LRP1B: variants seen among roughly 807,000 people sequenced by gnomAD.
The protein encoded by LRP1B is LDL receptor related protein 1B.
Under a neutral mutation model 556.6 loss-of-function variants are expected in LRP1B, and 217 were observed. That is an observed-to-expected ratio of 0.39 (90% confidence interval 0.35 to 0.44). LRP1B has a LOEUF of 0.44. LRP1B is among the 20% of genes least tolerant of loss of function. The probability of loss-of-function intolerance (pLI) is 1.00; values close to 1 mark genes in which losing one functional copy is unlikely to be tolerated. For synonymous variants in LRP1B, 2,047 were observed against 1,865.8 expected, an observed-to-expected ratio of 1.10 and a Z score of -2.50; for missense variants, 5,053 against 5,620.8, an observed-to-expected ratio of 0.90 and a Z score of 3.23.
intron 11 of LRP1B, among the ~76,000 whole-genome samples, chr2:141,044,465 C>T (rs1470683172): frequency 9.3e-5 from 14 of 150,354 alleles, no homozygotes; most frequent in Non-Finnish European, 1.8e-4. Flanking sequence ...AAAGAAACTA[C>T]CATCAGAGTG....
At chr2:141,530,814 G>A (rs1433971327) in intron 2 of LRP1B, among the ~76,000 whole-genome samples, 1 of 151,814 alleles carries the variant, frequency 6.6e-6, no homozygotes, top group Non-Finnish European at 1.5e-5. Flanking sequence ...ATGTCAATAA[G>A]ACCAAAATTA....
chr2:141,529,631 T>C (rs1684804278), intron 2 of LRP1B, among the ~76,000 whole-genome samples: 1 of 152,150 alleles, frequency 6.6e-6, no homozygotes, highest in Non-Finnish European at 1.5e-5. Context: ...ATACTTGAAT[T>C]TTTCTGTAAA....
At chr2:141,713,170 G>T (rs1178061798) in intron 2 of LRP1B, among the ~76,000 whole-genome samples, 3 of 150,382 alleles carry the variant, frequency 2.0e-5, no homozygotes, top group African/African-American at 7.3e-5. Flanking sequence ...TTAGGGGTGT[G>T]AGCCACCATG....
intron 2 of LRP1B, among the ~76,000 whole-genome samples, chr2:141,482,302 C>A (rs1682948969): frequency 6.6e-6 from 1 of 151,996 alleles, no homozygotes; most frequent in Non-Finnish European, 1.5e-5. Flanking sequence ...GGGATATAAA[C>A]AAATTTTTAT....
At chr2:140,838,683 A>T (rs2105092260) in intron 31 of LRP1B, among the ~76,000 whole-genome samples, 1 of 152,186 alleles carries the variant, frequency 6.6e-6, no homozygotes, top group East Asian at 1.9e-4. Flanking sequence ...TTGAAACAAA[A>T]TAATGAATTT....
At chr2:140,683,973 C>G (rs756278850) in intron 41 of LRP1B, 5 of 325,780 alleles carry the variant, frequency 1.5e-5, no homozygotes, top group Non-Finnish European at 2.9e-5. Context: ...TGGCAAAGCC[C>G]GCAGTTACTT....
intron 1 of LRP1B, among the ~76,000 whole-genome samples, chr2:142,058,874 C>T (rs2104887728): frequency 6.6e-6 from 1 of 152,182 alleles, no homozygotes. Flanking sequence ...ATTTCACTCT[C>T]TCATTATTTT....
intron 11 of LRP1B, among the ~76,000 whole-genome samples, chr2:141,030,329 G>A (rs981554101): frequency 3.9e-5 from 6 of 151,914 alleles, no homozygotes; most frequent in African/African-American, 1.5e-4. Flanking sequence ...GTTTGTCTCA[G>A]AATGATATTT....
intron 1 of LRP1B, among the ~76,000 whole-genome samples, chr2:141,971,554 T>C (rs1339492269): frequency 6.6e-6 from 1 of 151,410 alleles, no homozygotes; most frequent in Non-Finnish European, 1.5e-5. Context: ...ATTTTAGTAA[T>C]TACGTACGGG....
At chr2:142,110,776 C>T (rs759326367) in intron 1 of LRP1B, among the ~76,000 whole-genome samples, 16 of 152,244 alleles carry the variant, frequency 1.1e-4, no homozygotes, top group Middle Eastern at 3.4e-3. Context: ...TCTCACTCTT[C>T]AGGAGTTCAT....
chr2:140,771,252 A>G (rs1273496811), intron 33 of LRP1B, among the ~76,000 whole-genome samples: 1 of 152,110 alleles, frequency 6.6e-6, no homozygotes, highest in Admixed American at 6.6e-5. Flanking sequence ...AAGCAAAAGG[A>G]AATTGATTTG....
intron 67 of LRP1B, 92 bp downstream of exon 67, chr2:140,385,801 T>C (rs1683733425): frequency 1.2e-6 from 1 of 831,552 alleles, no homozygotes; most frequent in Non-Finnish European, 2.1e-6. Flanking sequence ...TAAGACAGGT[T>C]CAAATTTATA....
chr2:142,031,326 A>ATTTTT (rs1703686831), intron 1 of LRP1B, among the ~76,000 whole-genome samples: 1 of 51,334 alleles, frequency 1.9e-5, no homozygotes, highest in Non-Finnish European at 4.9e-5. Flanking sequence ...GGTTGATTAT[A>ATTTTT]CTTATTTTTT....
intron 47 of LRP1B, among the ~76,000 whole-genome samples, chr2:140,529,814 C>T (rs1240742900): frequency 2.6e-5 from 4 of 151,912 alleles, no homozygotes; most frequent in Non-Finnish European, 4.4e-5. Context: ...TATATTCACT[C>T]GACCTGCCAT....
At chr2:141,361,188 T>A (rs1345440585) in intron 3 of LRP1B, among the ~76,000 whole-genome samples, 1 of 152,178 alleles carries the variant, frequency 6.6e-6, no homozygotes, top group Non-Finnish European at 1.5e-5. Flanking sequence ...CCAAAATCAA[T>A]GACAACTTTA....
At chr2:142,039,604 G>A (rs1201172580) in intron 1 of LRP1B, among the ~76,000 whole-genome samples, 1 of 151,528 alleles carries the variant, frequency 6.6e-6, no homozygotes, top group Non-Finnish European at 1.5e-5. Context: ...TGGGAATAGT[G>A]TGTTTGTGTG....
At chr2:141,496,726 A>G (rs1683521487) in intron 2 of LRP1B, among the ~76,000 whole-genome samples, 3 of 152,010 alleles carry the variant, frequency 2.0e-5, no homozygotes, top group African/African-American at 7.2e-5. Flanking sequence ...TAAACACTAC[A>G]TAGGAATTTG....
intron 41 of LRP1B, among the ~76,000 whole-genome samples, chr2:140,695,321 T>G (rs184138077): frequency 6.6e-6 from 1 of 152,186 alleles, no homozygotes; most frequent in African/African-American, 2.4e-5. Context: ...GCAATGGACT[T>G]GCATCAGAGC....
intron 6 of LRP1B, among the ~76,000 whole-genome samples, chr2:141,216,962 G>A (rs1456419319): frequency 1.3e-5 from 2 of 152,094 alleles, no homozygotes; most frequent in African/African-American, 4.8e-5. Flanking sequence ...CTTTAGACTT[G>A]GGACTTTTAA....
Sources: gnomAD v4.1 joint callset for allele counts (sites outside exome capture counted in the v4.1 genomes callset) on GRCh38, gnomAD v4.1.1 for gene constraint, MANE v1.5 for transcripts, NCBI Gene and HGNC (gene_info 2026-07-23, HGNC 2026-07-21) for gene names.